ARHGAP42: variants seen among roughly 807,000 people sequenced by gnomAD.
The protein encoded by ARHGAP42 is rho GTPase-activating protein 42.
Under a neutral mutation model 125.0 loss-of-function variants are expected in ARHGAP42, and 63 were observed. The ratio of observed to expected loss-of-function variants is 0.50; its 90% CI spans 0.41 to 0.62. The LOEUF (loss-of-function observed/expected upper bound fraction) is 0.62. Among genes scored for constraint, ARHGAP42 ranks in the 20% least tolerant of loss-of-function variants. The pLI is 0.00. For missense variants in ARHGAP42, 766 were observed against 1,024.2 expected (o/e 0.75, Z 3.44); for synonymous variants, 339 against 351.0 (o/e 0.97, Z 0.38).
chr11:100,696,756 C>T lies in ARHGAP42; in HGVS notation c.154+8924C>T, dbSNP rs1222962398. Among the ~76,000 whole-genome samples the T allele has an allele frequency of 3.9e-5, 6 of 152,178 alleles. No homozygotes were observed. The South Asian group carries it at 8.3e-4, about 21-fold the overall frequency. On this transcript the variant is annotated intron_variant, in intron 1 of 23. Transcript: ENST00000298815. ...CAGAGGCAAGATCATAGTGCACTAC[C>T]GCCTCAAACTCCTGGCCTCAGTCAG...
At chr11:100,748,264 A>T (rs1425058756) in intron 1 of ARHGAP42, among the ~76,000 whole-genome samples, 4 of 152,210 alleles carry the variant, frequency 2.6e-5, no homozygotes, top group Non-Finnish European at 4.4e-5. Flanking sequence ...GCTGAGTGCA[A>T]ACAGCTCGCA....
intron 4 of ARHGAP42, among the ~76,000 whole-genome samples, chr11:100,881,194 TCTTCTA>T (rs2072104253): frequency 6.6e-6 from 1 of 152,208 alleles, no homozygotes; most frequent in Non-Finnish European, 1.5e-5. Flanking sequence ...TCTGATGTTA[TCTTCTA>T]GAATTTTTAT....
chr11:100,816,016 A>AT (rs955293752), intron 3 of ARHGAP42, among the ~76,000 whole-genome samples: 1 of 152,164 alleles, frequency 6.6e-6, no homozygotes, highest in Non-Finnish European at 1.5e-5. Flanking sequence ...ATTCCATTGT[A>AT]TGTATACATT....
Position 100,965,721 on chromosome 11 carries a change from A to C in ARHGAP42, c.1495A>C (p.Lys499Gln). Residue 499 changes from lysine to glutamine, a missense_variant, in exon 17 of 24, where the codon AAA becomes CAA. Transcript: ENST00000298815. Reference sequence around the variant, plus strand: ...GGAGGCTGTACATGCATTGGTGCACAAATTGCCGGAGAAAAACAGAGAGAT... The same window carrying C: ...GGAGGCTGTACATGCATTGGTGCACCAATTGCCGGAGAAAAACAGAGAGAT... ...RVEAVHALVH[K>Q]LPEKNREMLD... 1 of 1,551,112 alleles carries C rather than the reference A, an allele frequency of 6.4e-7. No homozygotes were observed. Among genetic ancestry groups the C allele is most frequent in the East Asian group, 2.4e-5 (1 of 40,902 alleles).
chr11:100,778,810 T>C (rs1019566158), intron 2 of ARHGAP42, among the ~76,000 whole-genome samples: 2 of 152,202 alleles, frequency 1.3e-5, no homozygotes, highest in Admixed American at 6.5e-5. Flanking sequence ...CCTGAAAACT[T>C]GTCATGTCAC....
chr11:100,807,388 C>T (rs1864023030), intron 3 of ARHGAP42, among the ~76,000 whole-genome samples: 1 of 151,288 alleles, frequency 6.6e-6, no homozygotes, highest in African/African-American at 2.4e-5. Flanking sequence ...TAGAGATAGG[C>T]TTTCACCACG....
intron 3 of ARHGAP42, among the ~76,000 whole-genome samples, chr11:100,809,260 G>GA (rs1864080836): frequency 1.3e-5 from 2 of 151,852 alleles, no homozygotes; most frequent in African/African-American, 4.8e-5. Context: ...GAAAGAAAAA[G>GA]AAAAAAAGAA....
At chr11:100,787,500 G>A (rs914289074) in intron 2 of ARHGAP42, among the ~76,000 whole-genome samples, 2 of 152,186 alleles carry the variant, frequency 1.3e-5, no homozygotes, top group Admixed American at 6.5e-5. Flanking sequence ...AAGTTGTTAT[G>A]CTGGTGAGGA....
At chr11:100,979,950 A>C (rs1467092508) in intron 22 of ARHGAP42, among the ~76,000 whole-genome samples, 1 of 152,198 alleles carries the variant, frequency 6.6e-6, no homozygotes, top group Non-Finnish European at 1.5e-5. Flanking sequence ...TCAACCTGTA[A>C]AAGTATATGG....
chr11:100,758,250 G>T (rs1862619914), intron 1 of ARHGAP42, among the ~76,000 whole-genome samples: 1 of 152,090 alleles, frequency 6.6e-6, no homozygotes, highest in Non-Finnish European at 1.5e-5. Flanking sequence ...CTTTGCTTGG[G>T]TAAACAGATT....
rs565599672 is a variant in ARHGAP42, at chr11:100,890,444, A to G, written c.385-23008A>G. Reference sequence around the variant, plus strand: ...TAAGTAATTTACAAGAAGTTACCTCATTCCATCCTGTTAAGCGCTTCATTA... The same window carrying G: ...TAAGTAATTTACAAGAAGTTACCTCGTTCCATCCTGTTAAGCGCTTCATTA... On this transcript the variant is annotated intron_variant, in intron 4 of 23. Transcript: ENST00000298815. Among the ~76,000 whole-genome samples, 166 of 152,326 alleles carry G rather than the reference A, an allele frequency of 1.1e-3. 1 individual carries two copies. Among genetic ancestry groups the G allele is most frequent in the Middle Eastern group, 6.8e-3 (2 of 294 alleles).
At chr11:100,695,866 T>C (rs1317691716) in intron 1 of ARHGAP42, among the ~76,000 whole-genome samples, 1 of 152,188 alleles carries the variant, frequency 6.6e-6, no homozygotes, top group Non-Finnish European at 1.5e-5. Flanking sequence ...CTGAATTTTC[T>C]AGGATTTTGA....
chr11:100,910,287 C>T (rs563163081), intron 4 of ARHGAP42, among the ~76,000 whole-genome samples: 2 of 152,172 alleles, frequency 1.3e-5, no homozygotes, highest in African/African-American at 4.8e-5. Flanking sequence ...ATACTAAAAA[C>T]AGTACTATGC....
At chr11:100,908,024 A>G (rs1866794310) in intron 4 of ARHGAP42, among the ~76,000 whole-genome samples, 1 of 152,240 alleles carries the variant, frequency 6.6e-6, no homozygotes. Flanking sequence ...AATTAATAAT[A>G]CTGAGACTGT....
At chr11:100,981,614 GT>G (rs1858547932) in intron 22 of ARHGAP42, among the ~76,000 whole-genome samples, 1 of 152,174 alleles carries the variant, frequency 6.6e-6, no homozygotes, top group African/African-American at 2.4e-5. Flanking sequence ...GGCACTGCAG[GT>G]CATTGAACAC....
Position 100,828,512 on chromosome 11 carries a change from C to A in ARHGAP42, c.313-31042C>A, listed in dbSNP as rs529375489. 9.9e-5 allele frequency among the ~76,000 whole-genome samples: 15 copies of A among 152,142 alleles called. No homozygotes were observed. The South Asian group carries it at 3.1e-3, about 32-fold the overall frequency. On this transcript the variant is annotated intron_variant, in intron 3 of 23. Transcript: ENST00000298815. Reference sequence around the variant, plus strand: ...CCAGATATGCTCAAATATGTGTGGACCCCTGGTGGTGGTTTCAACCTGAGC... The same window carrying A: ...CCAGATATGCTCAAATATGTGTGGAACCCTGGTGGTGGTTTCAACCTGAGC...
chr11:100,981,491 T>G (rs901634647), intron 22 of ARHGAP42, among the ~76,000 whole-genome samples: 8 of 152,148 alleles, frequency 5.3e-5, no homozygotes, highest in Non-Finnish European at 2.9e-5. Context: ...TTGAAAGAGA[T>G]AGAACCAGTA....
chr11:100,956,091 G>T (rs1857797423), intron 12 of ARHGAP42, among the ~76,000 whole-genome samples: 1 of 152,094 alleles, frequency 6.6e-6, no homozygotes. Context: ...ATAGTTGATG[G>T]TTGTTTGCAA....
chr11:100,841,828 C>G (rs1236560043), intron 3 of ARHGAP42, among the ~76,000 whole-genome samples: 1 of 152,162 alleles, frequency 6.6e-6, no homozygotes, highest in Non-Finnish European at 1.5e-5. Flanking sequence ...GAGGCTTTGC[C>G]TATCCAGTTT....
Sources: gnomAD v4.1 joint callset for allele counts (sites outside exome capture counted in the v4.1 genomes callset) on GRCh38, gnomAD v4.1.1 for gene constraint, MANE v1.5 for transcripts, NCBI Gene and HGNC (gene_info 2026-07-23, HGNC 2026-07-21) for gene names.